The following TRPC4 variants were observed in gnomAD, a reference collection of about 807,000 sequenced individuals.
The protein encoded by TRPC4 is transient receptor potential cation channel subfamily C member 4.
A neutral mutation model predicts 99.4 loss-of-function variants in TRPC4; 49 were observed. That is an observed-to-expected ratio of 0.49 (90% confidence interval 0.39 to 0.63). TRPC4 has a LOEUF of 0.63. TRPC4 is among the 20% of genes least tolerant of loss of function. TRPC4 has a pLI of 0.00. For missense variants in TRPC4, 898 were observed against 1,152.9 expected, an observed-to-expected ratio of 0.78 and a Z score of 3.20; for synonymous variants, 454 against 425.9, an observed-to-expected ratio of 1.07 and a Z score of -0.81.
intron 2 of TRPC4, among the ~76,000 whole-genome samples, chr13:37,769,841 C>T (rs991653910): frequency 2.0e-5 from 3 of 151,514 alleles, no homozygotes; most frequent in Non-Finnish European, 4.4e-5. Context: ...TGGTGTACTT[C>T]GTTCTGAAAT....
chr13:37,818,960 T>A (rs576852386), intron 1 of TRPC4, among the ~76,000 whole-genome samples: 8 of 151,496 alleles, frequency 5.3e-5, no homozygotes, highest in African/African-American at 1.9e-4. Context: ...TTAAAAAAAA[T>A]ACATGTGGCC....
intron 1 of TRPC4, among the ~76,000 whole-genome samples, chr13:37,850,431 A>G (rs1372669838): frequency 6.6e-6 from 1 of 152,184 alleles, no homozygotes; most frequent in Non-Finnish European, 1.5e-5. Context: ...TGGTTGTTTA[A>G]TTCCTGATGT....
chr13:37,826,508 G>C (rs1177402846), intron 1 of TRPC4, among the ~76,000 whole-genome samples: 3 of 149,146 alleles, frequency 2.0e-5, no homozygotes, highest in African/African-American at 5.0e-5. Context: ...GTCTGTAAAG[G>C]ATTTTATTTC....
intron 3 of TRPC4, among the ~76,000 whole-genome samples, chr13:37,694,653 TTTTC>T (rs1304902910): frequency 6.6e-6 from 1 of 152,192 alleles, no homozygotes; most frequent in Non-Finnish European, 1.5e-5. Context: ...TAAAAGTACT[TTTTC>T]TTTCTTTAGT....
intron 5 of TRPC4, among the ~76,000 whole-genome samples, chr13:37,673,042 C>T (rs1219100229): frequency 6.6e-6 from 1 of 151,758 alleles, no homozygotes; most frequent in Admixed American, 6.6e-5. Context: ...GTGTGCTGCA[C>T]CCGTTAACTC....
intron 4 of TRPC4, among the ~76,000 whole-genome samples, chr13:37,686,038 G>T (rs959874097): frequency 1.3e-5 from 2 of 152,136 alleles, no homozygotes; most frequent in African/African-American, 4.8e-5. Context: ...GCTTGTGTTT[G>T]AGGGTCTGTG....
chr13:37,811,686 A>G (rs934986168), intron 1 of TRPC4, among the ~76,000 whole-genome samples: 8 of 152,276 alleles, frequency 5.3e-5, no homozygotes, highest in Middle Eastern at 3.4e-3. Flanking sequence ...ATCTGTGAAG[A>G]TAACAGGGAA....
chr13:37,673,258 C>T (rs893053004), intron 5 of TRPC4, among the ~76,000 whole-genome samples: 11 of 151,904 alleles, frequency 7.2e-5, no homozygotes, highest in African/African-American at 2.4e-4. Flanking sequence ...ATCCATGTCC[C>T]TACAAAGGAC....
intron 4 of TRPC4, among the ~76,000 whole-genome samples, chr13:37,688,397 A>G (rs1481642244): frequency 1.3e-5 from 2 of 152,234 alleles, no homozygotes; most frequent in African/African-American, 4.8e-5. Flanking sequence ...GGCTGAATAC[A>G]GTTCTTATTG....
intron 3 of TRPC4, among the ~76,000 whole-genome samples, chr13:37,698,657 A>G (rs1161726145): frequency 1.3e-5 from 2 of 152,174 alleles, no homozygotes; most frequent in African/African-American, 2.4e-5. Context: ...TAGTTTTAGT[A>G]TAATATCTAA....
At chr13:37,715,064 C>T (rs1268258202) in intron 3 of TRPC4, among the ~76,000 whole-genome samples, 1 of 152,148 alleles carries the variant, frequency 6.6e-6, no homozygotes, top group Non-Finnish European at 1.5e-5. Context: ...ACTTATTGCA[C>T]CTCTCCTAGA....
At chr13:37,853,575 T>G (rs1298537990) in intron 1 of TRPC4, among the ~76,000 whole-genome samples, 1 of 152,082 alleles carries the variant, frequency 6.6e-6, no homozygotes, top group Non-Finnish European at 1.5e-5. Flanking sequence ...ACAAATGAAA[T>G]AAATAAGTCA....
chr13:37,745,767 C>A (rs558121831), intron 3 of TRPC4, among the ~76,000 whole-genome samples, 170 bp downstream of exon 3: 1 of 151,828 alleles, frequency 6.6e-6, no homozygotes, highest in African/African-American at 2.4e-5. Flanking sequence ...CCATTTATTA[C>A]CACTCTTCAA....
chr13:37,706,653 G>A (rs377708587), intron 3 of TRPC4, among the ~76,000 whole-genome samples: 1,272 of 110,212 alleles, frequency 0.012, 31 homozygotes, highest in African/African-American at 0.045. Flanking sequence ...AACAGGCCCC[G>A]GTGTGCGATG....
intron 2 of TRPC4, among the ~76,000 whole-genome samples, chr13:37,756,825 G>A (rs752729577): frequency 3.4e-4 from 51 of 151,938 alleles, no homozygotes; most frequent in East Asian, 7.7e-4. Flanking sequence ...GTGAGCCACC[G>A]TGACTGGCCT....
intron 1 of TRPC4, among the ~76,000 whole-genome samples, chr13:37,800,939 G>C (rs1259721845): frequency 6.6e-6 from 1 of 151,730 alleles, no homozygotes; most frequent in Non-Finnish European, 1.5e-5. Flanking sequence ...ATATTTTAAA[G>C]AAAATAAACA....
At position 37,831,527 on chromosome 13, in the gene TRPC4, T is replaced by G. The variant is rs1252259242; in HGVS notation, c.-28+38068A>C. On this transcript the variant is annotated intron_variant, in intron 1 of 10. Transcript: ENST00000379705. ...CCATAAGATCCAGCAGTACTGCTCC[T>G]GGGTATACACTCAAAGGAACTGAAA... is the stretch of plus-strand genomic sequence containing the variant. Among the ~76,000 whole-genome samples the G allele has an allele frequency of 2.0e-5, 3 of 152,162 alleles. No homozygotes were observed. The East Asian group carries it at 5.8e-4, about 29-fold the overall frequency.
rs1397592566 is a variant in TRPC4, at chr13:37,830,702, A to T, written c.-28+38893T>A. Among the ~76,000 whole-genome samples, 3 of 150,734 alleles carry T rather than the reference A, an allele frequency of 2.0e-5. No homozygotes were observed. In the East Asian group the frequency reaches 5.8e-4, roughly 29 times the overall value. Reference sequence around the variant, plus strand: ...ATTCCAGCCAGGACAACCAGAGCGAAATTCCGTTTTAAAAAAAAAAAAGTC... The same window carrying T: ...ATTCCAGCCAGGACAACCAGAGCGATATTCCGTTTTAAAAAAAAAAAAGTC... On this transcript the variant is annotated intron_variant, in intron 1 of 10. Coordinates refer to ENST00000379705, the MANE Select transcript of TRPC4 (RefSeq NM_016179.4).
At chr13:37,793,059 G>A (rs990416265) in intron 1 of TRPC4, among the ~76,000 whole-genome samples, 1 of 152,012 alleles carries the variant, frequency 6.6e-6, no homozygotes, top group Admixed American at 6.6e-5. Flanking sequence ...ATTAGAGTCA[G>A]GAATGGAAAA....
Sources: allele counts gnomAD v4.1 joint callset (sites outside exome capture counted in the v4.1 genomes callset), GRCh38; gene constraint gnomAD v4.1.1; transcripts MANE v1.5; gene names NCBI Gene and HGNC (gene_info 2026-07-23, HGNC 2026-07-21).